LRBA: variants seen among roughly 807,000 people sequenced by gnomAD.
LRBA encodes the protein LPS responsive beige-like anchor protein.
A neutral mutation model predicts 330.0 loss-of-function variants in LRBA; 176 were observed. The ratio of observed to expected loss-of-function variants is 0.53; its 90% confidence interval spans 0.47 to 0.60. LRBA has a LOEUF of 0.60. LRBA is among the 20% of genes least tolerant of loss of function. The pLI is 0.00. For synonymous variants in LRBA, 1,230 were observed against 1,193.0 expected (o/e 1.03, Z -0.64); for missense variants, 3,259 against 3,444.8 (o/e 0.95, Z 1.35).
chr4:150,625,837 G>A (rs1171016347), intron 37 of LRBA, among the ~76,000 whole-genome samples: 1 of 151,746 alleles, frequency 6.6e-6, no homozygotes, highest in East Asian at 1.9e-4. Flanking sequence ...AGCCTGCCGA[G>A]TAGCTGGGAT....
chr4:150,471,133 C>T (rs1323439363), intron 43 of LRBA, among the ~76,000 whole-genome samples: 1 of 152,104 alleles, frequency 6.6e-6, no homozygotes, highest in African/African-American at 2.4e-5. Context: ...CAAAAATATA[C>T]AGTATATACA....
intron 42 of LRBA, among the ~76,000 whole-genome samples, chr4:150,483,449 C>T (rs1002749125): frequency 6.6e-6 from 1 of 151,398 alleles, no homozygotes; most frequent in African/African-American, 2.4e-5. Flanking sequence ...TGGATATTTA[C>T]AATTTCACTT....
intron 2 of LRBA, among the ~76,000 whole-genome samples, chr4:151,011,709 A>AT (rs1284495638): frequency 8.0e-5 from 12 of 149,556 alleles, no homozygotes; most frequent in African/African-American, 7.3e-5. Flanking sequence ...TTTCGTTCTA[A>AT]TTTTTTTTTT....
intron 40 of LRBA, among the ~76,000 whole-genome samples, chr4:150,549,720 AGTTTTCATCTT>A (rs1766343853): frequency 6.6e-6 from 1 of 152,256 alleles, no homozygotes. Flanking sequence ...TTATTTGAAC[AGTTTTCATCTT>A]GTTTTCATAA....
intron 40 of LRBA, among the ~76,000 whole-genome samples, chr4:150,559,863 TATAATATATA>T: frequency 1.0e-4 from 2 of 19,798 alleles, no homozygotes; most frequent in Non-Finnish European, 2.1e-4. Context: ...TATAATTATA[TATAATATATA>T]ATTATATATA....
chr4:150,955,842 A>G (rs1418321355), intron 2 of LRBA, among the ~76,000 whole-genome samples: 3 of 148,050 alleles, frequency 2.0e-5, no homozygotes, highest in Non-Finnish European at 4.4e-5. Context: ...TGGTGAGCCG[A>G]GATTGTGCCA....
At chr4:150,502,952 T>C (rs1042197981) in intron 40 of LRBA, among the ~76,000 whole-genome samples, 14 of 152,128 alleles carry the variant, frequency 9.2e-5, no homozygotes, top group African/African-American at 3.4e-4. Flanking sequence ...GTCTCGCTCA[T>C]TGCTAGCACA....
At chr4:150,509,337 G>C (rs758702178) in intron 40 of LRBA, among the ~76,000 whole-genome samples, 9 of 151,854 alleles carry the variant, frequency 5.9e-5, no homozygotes, top group Non-Finnish European at 1.3e-4. Flanking sequence ...AAGGAAATTA[G>C]CAAGTATTTA....
intron 42 of LRBA, among the ~76,000 whole-genome samples, chr4:150,476,829 T>C (rs1303056453): frequency 6.6e-6 from 1 of 152,148 alleles, no homozygotes; most frequent in East Asian, 1.9e-4. Context: ...TATATGCTTG[T>C]ACTGTAAGAG....
rs745637890 is a variant in LRBA at position 150,852,239 on chromosome 4, T to C, written c.3471A>G (p.Gln1157=). Reference sequence around the variant, plus strand: ...GCTTTTCAGTAACAGGTTTTCCTTCTTGAAATATTAATTTGTCATCATTAC... The same window carrying C: ...GCTTTTCAGTAACAGGTTTTCCTTCCTGAAATATTAATTTGTCATCATTAC... ...MFGNDDKLIF[Q]EGKPVTEKQT... is the part of the protein sequence containing the mutation. Residue 1157 remains glutamine, a synonymous_variant, in exon 23 of 57, where the codon CAA becomes CAG. Coordinates refer to ENST00000651943, the MANE Select transcript of LRBA (RefSeq NM_001364905.1). The C allele has an allele frequency of 6.2e-6, 10 of 1,614,142 alleles. No individual in the cohort carries two copies. Among genetic ancestry groups the C allele is most frequent in the Non-Finnish European group, 8.5e-6 (10 of 1,179,998 alleles).
chr4:150,571,131 C>T (rs184018723), intron 40 of LRBA, among the ~76,000 whole-genome samples: 2 of 152,110 alleles, frequency 1.3e-5, no homozygotes, highest in East Asian at 3.9e-4. Context: ...ACTGTCACTG[C>T]TGATTAGGAT....
At chr4:150,713,388 T>C (rs1175198573) in intron 36 of LRBA, among the ~76,000 whole-genome samples, 2 of 152,184 alleles carry the variant, frequency 1.3e-5, no homozygotes, top group East Asian at 3.8e-4. Context: ...CATATTACAT[T>C]ATTCTGTCCT....
chr4:150,345,383 A>G (rs6844752), intron 48 of LRBA, among the ~76,000 whole-genome samples: 130,226 of 152,198 alleles, frequency 0.86, 56,378 homozygotes, highest in Non-Finnish European at 0.94. Flanking sequence ...CTCAGCATGC[A>G]TCCACTAGGA....
chr4:150,783,581 G>T (rs1042768684), intron 34 of LRBA, among the ~76,000 whole-genome samples: 2 of 152,170 alleles, frequency 1.3e-5, no homozygotes, highest in Non-Finnish European at 1.5e-5. Context: ...TCTAAATGAA[G>T]AATTTACAGA....
At chr4:150,879,990 AACTAT>A (rs1424863401) in intron 17 of LRBA, among the ~76,000 whole-genome samples, 1 of 152,224 alleles carries the variant, frequency 6.6e-6, no homozygotes, top group African/African-American at 2.4e-5. Context: ...CCCAACTTCA[AACTAT>A]ACTATAAGGC....
chr4:150,370,688 T>C (rs938721253), intron 47 of LRBA, among the ~76,000 whole-genome samples: 1 of 152,200 alleles, frequency 6.6e-6, no homozygotes, highest in East Asian at 1.9e-4. Flanking sequence ...TGTATTGATA[T>C]TGGCTCATCA....
At chr4:150,926,258 G>A (rs1261933749) in intron 4 of LRBA, among the ~76,000 whole-genome samples, 1 of 152,144 alleles carries the variant, frequency 6.6e-6, no homozygotes, top group Admixed American at 6.5e-5. Flanking sequence ...AACTAATACA[G>A]AGCTAGGAAT....
Position 150,898,808 on chromosome 4 carries a change from G to T in LRBA, c.1925-990C>A, listed in dbSNP as rs1405398457. Among the ~76,000 whole-genome samples the T allele has an allele frequency of 2.6e-5, 4 of 152,102 alleles. No individual in the cohort carries two copies. In the East Asian group the frequency reaches 7.7e-4, roughly 29 times the overall value. ...GTACATGATACACCTACAGCACCAT[G>T]AAATAGTCATGAGAAAATTCTGACC... is the stretch of plus-strand genomic sequence containing the variant. On this transcript the variant is annotated intron_variant, in intron 14 of 56. Transcript: ENST00000651943.
intron 40 of LRBA, among the ~76,000 whole-genome samples, chr4:150,572,425 A>G (rs1371507282): frequency 6.6e-6 from 1 of 152,194 alleles, no homozygotes; most frequent in Non-Finnish European, 1.5e-5. Flanking sequence ...TTAAATAAGG[A>G]GCTAGTCTAA....
Sources: allele counts gnomAD v4.1 joint callset (sites outside exome capture counted in the v4.1 genomes callset), GRCh38; gene constraint gnomAD v4.1.1; transcripts MANE v1.5; gene names NCBI Gene and HGNC (gene_info 2026-07-23, HGNC 2026-07-21).